The following PRKCD variants were observed in gnomAD, a reference collection of about 807,000 sequenced individuals.
The protein encoded by PRKCD is protein kinase C delta type.
A neutral mutation model predicts 82.2 loss-of-function variants in PRKCD; 20 were observed. That is an observed-to-expected ratio of 0.24 (90% CI 0.17 to 0.35). The LOEUF is 0.35. Ranked by LOEUF, PRKCD falls within the 10% of genes least tolerant of loss-of-function variation. The pLI is 1.00. For synonymous variants in PRKCD, 317 were observed against 337.0 expected, an observed-to-expected ratio of 0.94 and a Z score of 0.65; for missense variants, 607 against 899.0, an observed-to-expected ratio of 0.68 and a Z score of 4.15.
Position 53,189,992 on chromosome 3 carries a change from G to A in PRKCD, c.1863G>A (p.Arg621=). The change falls in exon 18 of 19, where the codon AGG becomes AGA. Residue 621 remains arginine, a synonymous_variant. Coordinates refer to ENST00000330452, the MANE Select transcript of PRKCD (RefSeq NM_006254.4). ...AGCGGAGGTTGGAGCCACCTTTCAG[G>A]CCCAAAGTGGTATGTGATCCTGCCC... ...LEKRRLEPPF[R]PKVKSPRDYS... 6.2e-7 allele frequency: 1 copy of A among 1,613,872 alleles called. No individual in the cohort carries two copies. The highest frequency in any genetic ancestry group is 1.7e-4 in the Middle Eastern group (1 of 6,058).
rs149621879 is a variant in PRKCD, at chr3:53,188,458, G to A, written c.1416-262G>A. 4.6e-5 allele frequency among the ~76,000 whole-genome samples: 7 copies of A among 152,300 alleles called. No homozygotes were observed. The East Asian group carries it at 7.7e-4, about 17-fold the overall frequency. The stretch of plus-strand genomic sequence containing the variant: ...TGCTGACTGCTAGGGGACCCTGGGC[G>A]AGTGACATCACCTGTTTGAGCCCCA... On this transcript the variant is annotated intron_variant, in intron 15 of 18. Transcript: ENST00000330452.
Position 53,169,091 on chromosome 3 carries a change from C to T in PRKCD, c.-20+3876C>T, listed in dbSNP as rs1553664385. On this transcript the variant is annotated intron_variant, in intron 2 of 18. Coordinates refer to ENST00000330452, the MANE Select transcript of PRKCD (RefSeq NM_006254.4). The surrounding 1 kb of genome is among the most constrained non-coding windows in gnomAD (Gnocchi z 4.7). ...GAGACTTGAGGACAGGCTGCAGCGG[C>T]AGACGGGATGGCCTTATTGTGTGGG... is the stretch of plus-strand genomic sequence containing the variant. 6.6e-6 allele frequency among the ~76,000 whole-genome samples: 1 copy of T among 152,046 alleles called. No individual in the cohort carries two copies. The highest frequency in any genetic ancestry group is 2.4e-5 in the African/African-American group (1 of 41,388).
intron 1 of PRKCD, among the ~76,000 whole-genome samples, chr3:53,162,721 TC>T (rs1553663251): frequency 2.1e-5 from 3 of 140,816 alleles, no homozygotes; most frequent in Non-Finnish European, 4.7e-5. Context: ...TGTGTGTGTG[TC>T]CTTGCCTGCT....
Position 53,192,161 on chromosome 3 carries a change from G to A in PRKCD, c.1926G>A (p.Ala642=), listed in dbSNP as rs56338517. The part of the protein sequence containing the change: ...NFDQEFLNEK[A]RLSYSDKNLI... ...ACCAGGAGTTCCTGAACGAGAAGGC[G>A]CGCCTCTCCTACAGCGACAAGAACC... The change falls in exon 19 of 19, where the codon GCG becomes GCA. Residue 642 remains alanine, a synonymous_variant. Transcript: ENST00000330452. The A allele has an allele frequency of 5.6e-3, 8,988 of 1,613,984 alleles. 409 individuals carry two copies. The African/African-American group carries it at 0.1, about 18-fold the overall frequency.
intron 1 of PRKCD, among the ~76,000 whole-genome samples, chr3:53,162,135 A>T (rs1235395659): frequency 6.7e-6 from 1 of 150,138 alleles, no homozygotes; most frequent in Non-Finnish European, 1.5e-5. Flanking sequence ...AGTCTCCACC[A>T]TCCCCCTTCC....
Position 53,175,481 on chromosome 3 carries a change from G to C in PRKCD, c.-19-2923G>C, listed in dbSNP as rs945121904. ...GAGACTATTGCTCATCAGGAAATGGGGGGGCTGAGGCTCAGAAAGGTCAAG... is the reference window on the plus strand; with the variant it reads ...GAGACTATTGCTCATCAGGAAATGGCGGGGCTGAGGCTCAGAAAGGTCAAG... On this transcript the variant is annotated intron_variant, in intron 2 of 18. Coordinates refer to ENST00000330452, the MANE Select transcript of PRKCD (RefSeq NM_006254.4). 2.0e-5 allele frequency among the ~76,000 whole-genome samples: 3 copies of C among 152,218 alleles called. No individual in the cohort carries two copies. The South Asian group carries it at 6.2e-4, about 32-fold the overall frequency.
chr3:53,179,555 T>C (rs781882185), intron 3 of PRKCD, 22 bp from the exon 4 acceptor site: 2 of 1,613,966 alleles, frequency 1.2e-6, no homozygotes, highest in South Asian at 2.2e-5. Flanking sequence ...GGCCCAACCT[T>C]CTCTGCCTGG....
At chr3:53,185,015 G>A (rs782140747) in intron 10 of PRKCD, 41 bp downstream of exon 10, 4 of 1,565,262 alleles carry the variant, frequency 2.6e-6, no homozygotes, top group Non-Finnish European at 2.6e-6. Flanking sequence ...AGGGCAGTGG[G>A]GTCAGGGACA....
chr3:53,179,732 C>T lies in PRKCD; in HGVS notation c.271C>T (p.Leu91=), dbSNP rs79725471. 4 of 1,593,514 alleles carry T rather than the reference C, an allele frequency of 2.5e-6. No individual in the cohort carries two copies. Among genetic ancestry groups the T allele is most frequent in the Non-Finnish European group, 3.4e-6 (4 of 1,168,370 alleles). The part of the protein sequence containing the change: ...VSEVTVGVSV[L]AERCKKNNGK... ...TGAGGTGACCGTGGGTGTGTCGGTG[C>T]TGGCCGAGCGCTGCAAGAAGAACAA... Residue 91 remains leucine, a synonymous_variant, in exon 4 of 19, where the codon CTG becomes TTG. Transcript: ENST00000330452.
intron 2 of PRKCD, among the ~76,000 whole-genome samples, chr3:53,171,023 G>A (rs1397431688): frequency 6.6e-6 from 1 of 152,130 alleles, no homozygotes; most frequent in Non-Finnish European, 1.5e-5. Flanking sequence ...CTGTGTGCGT[G>A]TGTGTCTAAT....
At chr3:53,172,970 AC>A (rs1553665243) in intron 2 of PRKCD, among the ~76,000 whole-genome samples, 330 of 152,270 alleles carry the variant, frequency 2.2e-3, no homozygotes, top group African/African-American at 7.1e-3. Context: ...TCACTGCAGG[AC>A]CTTGGCCTTA....
chr3:53,184,803 G>T, intron 9 of PRKCD, 71 bp from the exon 10 acceptor site: 1 of 1,320,418 alleles, frequency 7.6e-7, no homozygotes, highest in South Asian at 1.2e-5. Context: ...GCTCTCCTGC[G>T]CCTCTCCTAC....
rs1434557148 is a variant in PRKCD, at chr3:53,185,977, A to G, written c.1036A>G (p.Ile346Val). Residue 346 changes from isoleucine to valine, a missense_variant, in exon 12 of 19, where the codon ATC becomes GTC. Ile to Val is a conservative substitution (Grantham distance 29). Transcript: ENST00000330452. ...CTGGGAGGGCAGCAGCAAGTGCAACATCAACAACTTCATCTTCCACAAGGT... is the reference window on the plus strand; with the variant it reads ...CTGGGAGGGCAGCAGCAAGTGCAACGTCAACAACTTCATCTTCCACAAGGT... ...KIWEGSSKCN[I>V]NNFIFHKVLG... 1.2e-6 allele frequency: 2 copies of G among 1,614,142 alleles called. No homozygotes were observed. The highest frequency in any genetic ancestry group is 2.7e-5 in the African/African-American group (2 of 74,938).
At chr3:53,162,034 C>T in intron 1 of PRKCD, among the ~76,000 whole-genome samples, 1 of 151,610 alleles carries the variant, frequency 6.6e-6, no homozygotes, top group Non-Finnish European at 1.5e-5. Flanking sequence ...GGAGGCCCGA[C>T]CCGCGCGGCG....
rs1373027685 is a variant in PRKCD, at chr3:53,169,175, G to A, written c.-20+3960G>A. On this transcript the variant is annotated intron_variant, in intron 2 of 18. Coordinates refer to ENST00000330452, the MANE Select transcript of PRKCD (RefSeq NM_006254.4). This position sits in a 1 kb window ranked among gnomAD's most constrained non-coding sequence, Gnocchi z 4.7. Reference sequence around the variant, plus strand: ...CTGAGCTCGTGCACTCCTAGTGGATGAGGAGCGCTGGGAGGGGAACGGCGG... The same window carrying A: ...CTGAGCTCGTGCACTCCTAGTGGATAAGGAGCGCTGGGAGGGGAACGGCGG... Among the ~76,000 whole-genome samples, 1 of 152,106 alleles carries A rather than the reference G, an allele frequency of 6.6e-6. No individual in the cohort carries two copies. The highest frequency in any genetic ancestry group is 1.9e-4 in the East Asian group (1 of 5,180).
Position 53,178,434 on chromosome 3 carries a change from C to G in PRKCD, c.12C>G (p.Phe4Leu), listed in dbSNP as rs782095341. Residue 4 changes from phenylalanine to leucine, a missense_variant, in exon 3 of 19, where the codon TTC becomes TTG. Transcript: ENST00000330452. MAPFLRIAFNSYEL... is the reference protein window; with the variant it reads MAPLLRIAFNSYEL... ...CTGCAGGCCCCACCATGGCGCCGTT[C>G]CTGCGCATCGCCTTCAACTCCTATG... 6.2e-7 allele frequency: 1 copy of G among 1,611,898 alleles called. No individual in the cohort carries two copies. Among genetic ancestry groups the G allele is most frequent in the South Asian group, 1.1e-5 (1 of 90,976 alleles).
At chr3:53,186,112 G>T (rs189341769) in intron 12 of PRKCD, 55 bp from the exon 13 acceptor site, 5 of 1,607,588 alleles carry the variant, frequency 3.1e-6, no homozygotes, top group Non-Finnish European at 4.2e-6. Context: ...TCTGTGAATC[G>T]GGCTGTGGCC....
At chr3:53,178,679 T>C (rs1348208783) in intron 3 of PRKCD, 142 bp downstream of exon 3, 2 of 707,142 alleles carry the variant, frequency 2.8e-6, no homozygotes, top group African/African-American at 3.6e-5. Context: ...CACTCAGCTA[T>C]GAAGGCAGAG....
intron 2 of PRKCD, among the ~76,000 whole-genome samples, chr3:53,176,679 G>T (rs1208651359): frequency 6.6e-6 from 1 of 152,234 alleles, no homozygotes; most frequent in Non-Finnish European, 1.5e-5. Flanking sequence ...TTCACAAGTG[G>T]CAACCTGAGG....
Sources: gnomAD v4.1 joint callset for allele counts (sites outside exome capture counted in the v4.1 genomes callset) on GRCh38, gnomAD v4.1.1 for gene constraint, Gnocchi (gnomAD v3.1) non-coding constraint, MANE v1.5 for transcripts, NCBI Gene and HGNC (gene_info 2026-07-23, HGNC 2026-07-21) for gene names.